The following CACNA1G variants were observed in gnomAD, a reference collection of about 807,000 sequenced individuals.
CACNA1G encodes the protein calcium voltage-gated channel subunit alpha1 G, also known as voltage-dependent T-type calcium channel subunit alpha-1G.
In CACNA1G, 67 loss-of-function variants were observed where a neutral mutation model predicts 219.4. That is an observed-to-expected ratio of 0.31 (90% CI 0.25 to 0.37). CACNA1G has a LOEUF of 0.37. Ranked by LOEUF, CACNA1G falls within the 10% of genes least tolerant of loss-of-function variation. The probability of loss-of-function intolerance (pLI) is 1.00; values close to 1 mark genes in which losing one functional copy is unlikely to be tolerated. For missense variants in CACNA1G, 2,380 were observed against 3,231.4 expected (o/e 0.74, Z 6.39); for synonymous variants, 1,296 against 1,345.3 (o/e 0.96, Z 0.80).
chr17:50,621,561 A>T lies in CACNA1G; in HGVS notation c.5926-99A>T. ...TCCCGCCCCCCTGTGCTTCGTGAAA[A>T]GGGGGAAGTGGGGACTGAGAGAGAG... On this transcript the variant is annotated intron_variant, in intron 34 of 37. Transcript: ENST00000359106. The surrounding 1 kb of genome is among the most constrained non-coding windows in gnomAD (Gnocchi z 4.6). 1 of 1,332,234 alleles carries T rather than the reference A, an allele frequency of 7.5e-7. No homozygotes were observed. The highest frequency in any genetic ancestry group is 1.0e-6 in the Non-Finnish European group (1 of 958,098). 82.5% of individuals were successfully genotyped at this position (1,332,234 alleles called of 1,614,324 possible).
intron 8 of CACNA1G, 41 bp downstream of exon 8, chr17:50,576,367 G>A (rs1328325994): frequency 6.5e-7 from 1 of 1,545,164 alleles, no homozygotes; most frequent in Non-Finnish European, 8.8e-7. Flanking sequence ...CCCTCGTCTG[G>A]GGACTGGGTG....
rs1384665416 is a variant in CACNA1G at position 50,617,841 on chromosome 17, CGTT to C, written c.5156-15_5156-13del. The C allele has an allele frequency of 1.2e-6, 2 of 1,612,562 alleles. No individual in the cohort carries two copies. Among genetic ancestry groups the C allele is most frequent in the Non-Finnish European group, 1.7e-6 (2 of 1,179,530 alleles). On this transcript the variant is annotated splice_polypyrimidine_tract_variant and intron_variant, in intron 29 of 37. Transcript: ENST00000359106. This position sits in a 1 kb window ranked among gnomAD's most constrained non-coding sequence, Gnocchi z 5.8. ...GGGACCCAAAGAGGCCAGCTCATGA[CGTT>C]GTCCTGTTCTGCAGTGCTGAAGCTG... is the stretch of plus-strand genomic sequence containing the variant.
intron 1 of CACNA1G, among the ~76,000 whole-genome samples, chr17:50,562,716 G>A (rs1338205234): frequency 6.6e-6 from 1 of 152,210 alleles, no homozygotes; most frequent in African/African-American, 2.4e-5. Context: ...TACTGTCAGT[G>A]TGTTCACTAA....
intron 1 of CACNA1G, chr17:50,561,942 G>GT (rs1182607461): frequency 9.2e-6 from 2 of 216,476 alleles, no homozygotes; most frequent in Non-Finnish European, 1.7e-5. Context: ...GTCTTCCTGG[G>GT]TTGGGGGGGT....
In CACNA1G at chr17:50,561,593, A is replaced by G. The variant is rs1478709521; in HGVS notation, c.134A>G (p.Asp45Gly). 3.8e-6 allele frequency: 6 copies of G among 1,573,584 alleles called. No homozygotes were observed. Among genetic ancestry groups the G allele is most frequent in the Non-Finnish European group, 5.2e-6 (6 of 1,162,190 alleles). Residue 45 changes from aspartate (D) to glycine (G), a missense_variant, in exon 1 of 38, where the codon GAC (aspartate) becomes GGC (glycine). This residue lies in a region of CACNA1G where 98 missense variants were observed against 85.5 expected (regional missense o/e 1.15). Coordinates refer to ENST00000359106, the MANE Select transcript of CACNA1G (RefSeq NM_018896.5). ...GCAGAAAAGGACCCGGGCAGCGCGGACTCCGAGGCGGAGGGGCTGCCGTAC... is the reference window on the plus strand; with the variant it reads ...GCAGAAAAGGACCCGGGCAGCGCGGGCTCCGAGGCGGAGGGGCTGCCGTAC... ...GSAEKDPGSA[D>G]SEAEGLPYPA... is the part of the protein sequence containing the mutation.
intron 34 of CACNA1G, among the ~76,000 whole-genome samples, chr17:50,620,541 A>T (rs566505679): frequency 6.6e-6 from 1 of 151,858 alleles, no homozygotes; most frequent in Non-Finnish European, 1.5e-5. Context: ...CCTCCCCTTG[A>T]TCCCCTCACC....
At position 50,571,081 on chromosome 17, in the gene CACNA1G, A is replaced by C. The variant is rs1488118314; in HGVS notation, c.587-797A>C. On this transcript the variant is annotated intron_variant, in intron 4 of 37. Coordinates refer to ENST00000359106, the MANE Select transcript of CACNA1G (RefSeq NM_018896.5). This position sits in a 1 kb window ranked among gnomAD's most constrained non-coding sequence, Gnocchi z 4.3. Reference sequence around the variant, plus strand: ...ACCTGGAGTACGGAGAGAGGGAAGTAACCCTAACAGGGCTTTTGAGGAGGG... The same window carrying C: ...ACCTGGAGTACGGAGAGAGGGAAGTCACCCTAACAGGGCTTTTGAGGAGGG... 1.3e-5 allele frequency among the ~76,000 whole-genome samples: 2 copies of C among 152,016 alleles called. No individual in the cohort carries two copies. Among genetic ancestry groups the C allele is most frequent in the Non-Finnish European group, 2.9e-5 (2 of 67,996 alleles).
intron 9 of CACNA1G, among the ~76,000 whole-genome samples, chr17:50,582,226 C>T (rs986771632): frequency 2.3e-4 from 35 of 152,160 alleles, no homozygotes; most frequent in African/African-American, 7.7e-4. Flanking sequence ...GGGAGGGCTC[C>T]GTGTAGGAGG....
At position 50,572,554 on chromosome 17, in the gene CACNA1G, C is replaced by G. The variant is rs1196027578; in HGVS notation, c.747C>G (p.Leu249=). The change falls in exon 6 of 38, where the codon CTC becomes CTG. Residue 249 remains leucine, a splice_region_variant and synonymous_variant. Coordinates refer to ENST00000359106, the MANE Select transcript of CACNA1G (RefSeq NM_018896.5). ...CCCTGTTCCCCTTCCCATCCTGCAG[C>G]CCCCTGAGCGTGGACCTGGAGCGCT... ...NRCFLPENFS[L]PLSVDLERYY... The G allele has an allele frequency of 3.3e-6, 5 of 1,530,862 alleles. No homozygotes were observed. The highest frequency in any genetic ancestry group is 4.4e-6 in the Non-Finnish European group (5 of 1,136,936). 94.8% of individuals were successfully genotyped at this position (1,530,862 alleles called of 1,614,324 possible).
intron 26 of CACNA1G, among the ~76,000 whole-genome samples, chr17:50,614,880 C>G (rs1257914016): frequency 2.0e-5 from 3 of 152,250 alleles, no homozygotes; most frequent in Non-Finnish European, 1.5e-5. Flanking sequence ...CCGGTTTTAT[C>G]TCCAAATCCC....
At chr17:50,583,474 A>C (rs2042364909) in intron 9 of CACNA1G, among the ~76,000 whole-genome samples, 1 of 152,220 alleles carries the variant, frequency 6.6e-6, no homozygotes, top group South Asian at 2.1e-4. Context: ...AACACCCAAG[A>C]AATGTAGGTT....
chr17:50,590,743 C>T, intron 10 of CACNA1G, 121 bp downstream of exon 10: 1 of 828,622 alleles, frequency 1.2e-6, no homozygotes, highest in Non-Finnish European at 1.9e-6. Flanking sequence ...CCCCACTGAC[C>T]CCACAGGACC....
At chr17:50,582,011 C>T (rs574285803) in intron 9 of CACNA1G, among the ~76,000 whole-genome samples, 5 of 152,206 alleles carry the variant, frequency 3.3e-5, no homozygotes, top group East Asian at 1.9e-4. Flanking sequence ...ACGATTCCAC[C>T]GAATGTGGGG....
intron 9 of CACNA1G, among the ~76,000 whole-genome samples, chr17:50,589,893 T>TC (rs34356822): frequency 0.36 from 51,464 of 142,586 alleles, 10,502 homozygotes; most frequent in East Asian, 0.81. Flanking sequence ...TGCGTGCATT[T>TC]TTCTCTCTCT....
Position 50,618,250 on chromosome 17 carries a change from C to G in CACNA1G, c.5334C>G (p.Gly1778=). 6.2e-7 allele frequency: 1 copy of G among 1,613,866 alleles called. No homozygotes were observed. The highest frequency in any genetic ancestry group is 8.5e-7 in the Non-Finnish European group (1 of 1,179,808). ...LECDETHPCE[G]LGRHATFRNF... ...GTGACGAGACACACCCCTGTGAGGG[C>G]CTGGGCCGTCATGCCACCTTTCGGA... Residue 1778 remains glycine, a synonymous_variant, in exon 32 of 38, where the codon GGC becomes GGG. Transcript: ENST00000359106. This position sits in a 1 kb window ranked among gnomAD's most constrained non-coding sequence, Gnocchi z 5.3.
chr17:50,603,321 ACCCC>A lies in CACNA1G; in HGVS notation c.4169+124_4169+127del. On this transcript the variant is annotated intron_variant, in intron 21 of 37. Transcript: ENST00000359106. This position sits in a 1 kb window ranked among gnomAD's most constrained non-coding sequence, Gnocchi z 6.4. ...TGCACAGGCCAGCATCCTGTCTGTG[ACCCC>A]CACAGGCGATCCTGTCCCCGCCCCA... 3.6e-6 allele frequency: 3 copies of A among 830,540 alleles called. No individual in the cohort carries two copies. Among genetic ancestry groups the A allele is most frequent in the Non-Finnish European group, 5.6e-6 (3 of 534,972 alleles). The allele number at this position is 830,540 out of a possible 1,614,324, so 51.4% of individuals were successfully genotyped here.
chr17:50,574,495 C>A (rs1230967315), intron 7 of CACNA1G, among the ~76,000 whole-genome samples: 1 of 152,168 alleles, frequency 6.6e-6, no homozygotes, highest in Non-Finnish European at 1.5e-5. Flanking sequence ...GAGGCCTGTT[C>A]CCATCCCTGG....
chr17:50,584,968 C>G (rs937762097), intron 9 of CACNA1G, among the ~76,000 whole-genome samples: 1 of 152,144 alleles, frequency 6.6e-6, no homozygotes, highest in African/African-American at 2.4e-5. Flanking sequence ...CTCAGCACTT[C>G]CAGAGCCGCA....
At chr17:50,614,982 G>A (rs976642445) in intron 26 of CACNA1G, among the ~76,000 whole-genome samples, 2 of 152,228 alleles carry the variant, frequency 1.3e-5, no homozygotes, top group African/African-American at 4.8e-5. Context: ...CGTCCTCTGA[G>A]CCTGAGGAGA....
Sources: gnomAD v4.1 joint callset for allele counts (sites outside exome capture counted in the v4.1 genomes callset) on GRCh38, gnomAD v4.1.1 for gene constraint, gnomAD v4.1.1 regional missense constraint, Gnocchi (gnomAD v3.1) non-coding constraint, MANE v1.5 for transcripts, NCBI Gene and HGNC (gene_info 2026-07-23, HGNC 2026-07-21) for gene names.